The following CSMD1 variants were observed in gnomAD, a reference collection of about 807,000 sequenced individuals.
The protein encoded by CSMD1 is CUB and sushi domain-containing protein 1.
Under a neutral mutation model 417.5 loss-of-function variants are expected in CSMD1, and 213 were observed. That is an observed-to-expected ratio of 0.51 (90% CI 0.46 to 0.57). The LOEUF is 0.57. Among genes scored for constraint, CSMD1 ranks in the 20% least tolerant of loss-of-function variants. CSMD1 has a pLI of 0.00. For synonymous variants in CSMD1, 2,862 were observed against 1,736.8 expected, an observed-to-expected ratio of 1.65 and a Z score of -16.11; for missense variants, 6,923 against 4,529.7, an observed-to-expected ratio of 1.53 and a Z score of -15.17.
chr8:4,285,523 T>A (rs1379488951), intron 3 of CSMD1, among the ~76,000 whole-genome samples: 1 of 152,206 alleles, frequency 6.6e-6, no homozygotes, highest in Non-Finnish European at 1.5e-5. Context: ...GATCTCTTGT[T>A]TTCGGATATC....
intron 2 of CSMD1, among the ~76,000 whole-genome samples, chr8:4,543,487 C>G (rs1248752674): frequency 3.3e-5 from 5 of 151,954 alleles, no homozygotes; most frequent in Non-Finnish European, 5.9e-5. Context: ...CCCTTTAGCC[C>G]TGAATAATTT....
intron 10 of CSMD1, among the ~76,000 whole-genome samples, chr8:3,504,412 G>C (rs1355170501): frequency 1.3e-5 from 2 of 152,142 alleles, no homozygotes; most frequent in Admixed American, 6.5e-5. Flanking sequence ...GGATTTCTGG[G>C]ATTCAAGAAT....
intron 50 of CSMD1, among the ~76,000 whole-genome samples, chr8:3,039,318 CTTCT>C (rs1563266829): frequency 3.4e-5 from 5 of 148,746 alleles, no homozygotes; most frequent in Non-Finnish European, 7.4e-5. Context: ...CCCTCCCTTC[CTTCT>C]TTTCCTTTCT....
intron 1 of CSMD1, among the ~76,000 whole-genome samples, chr8:4,854,312 G>C (rs192736401): frequency 6.6e-6 from 1 of 152,250 alleles, no homozygotes; most frequent in East Asian, 1.9e-4. Context: ...GGGTTGCCGA[G>C]GCAGATCCCT....
chr8:4,857,249 T>C (rs910790074), intron 1 of CSMD1, among the ~76,000 whole-genome samples: 1 of 147,344 alleles, frequency 6.8e-6, no homozygotes, highest in African/African-American at 2.5e-5. Flanking sequence ...CCAGAATCTC[T>C]GGGACGCATT....
At chr8:3,027,389 T>C (rs1380105759) in intron 51 of CSMD1, among the ~76,000 whole-genome samples, 1 of 152,152 alleles carries the variant, frequency 6.6e-6, no homozygotes, top group African/African-American at 2.4e-5. Context: ...CATCCTGTTT[T>C]TATGAGAAAA....
chr8:4,962,090 C>G (rs533823483), intron 1 of CSMD1, among the ~76,000 whole-genome samples: 3 of 138,686 alleles, frequency 2.2e-5, no homozygotes, highest in African/African-American at 8.5e-5. Context: ...TTTTGTCATG[C>G]ATGTAAGTAT....
chr8:3,685,723 A>C (rs1478548143), intron 7 of CSMD1, among the ~76,000 whole-genome samples: 1 of 122,098 alleles, frequency 8.2e-6, no homozygotes, highest in Non-Finnish European at 1.8e-5. Flanking sequence ...AGAAGGGTCA[A>C]TTTCTTTCTT....
At position 4,923,923 on chromosome 8, in the gene CSMD1, A is replaced by G. The variant is rs114069968; in HGVS notation, c.85+70409T>C. On this transcript the variant is annotated intron_variant, in intron 1 of 69. Coordinates refer to ENST00000635120, the MANE Select transcript of CSMD1 (RefSeq NM_033225.6). ...GGTTTCTTTGGTTTGGGTTCTATGG[A>G]GGAAAGAAAGTAGCTTAGCAAGCTA... 7.2e-3 allele frequency among the ~76,000 whole-genome samples: 1,099 copies of G among 152,318 alleles called. 13 individuals carry two copies. The highest frequency in any genetic ancestry group is 0.026 in the African/African-American group (1,065 of 41,572).
intron 25 of CSMD1, among the ~76,000 whole-genome samples, chr8:3,298,136 C>T (rs1236723798): frequency 6.6e-6 from 1 of 152,130 alleles, no homozygotes; most frequent in East Asian, 1.9e-4. Context: ...TACACCCTCT[C>T]AGGGAGTGAG....
Position 4,218,186 on chromosome 8 carries a change from C to G in CSMD1, c.416-186087G>C, listed in dbSNP as rs114722792. 2.9e-3 allele frequency among the ~76,000 whole-genome samples: 436 copies of G among 152,242 alleles called. 6 individuals carry two copies. The highest frequency in any genetic ancestry group is 1.0e-2 in the African/African-American group (415 of 41,546). ...AGTAATGGAACACTAGTTATAAATT[C>G]CTAATCACTCTTGTTGGCACTTTGC... On this transcript the variant is annotated intron_variant, in intron 3 of 69. Transcript: ENST00000635120.
rs369174735 is a variant in CSMD1, at chr8:3,806,620, C to T, written c.819-52578G>A. 2.6e-5 allele frequency among the ~76,000 whole-genome samples: 4 copies of T among 152,176 alleles called. No homozygotes were observed. The East Asian group carries it at 5.8e-4, about 22-fold the overall frequency. ...GAGTAGTAGGAACAACATCAATAATCAATGTAAGTCAGCTTCATATGTGCA... is the reference window on the plus strand; with the variant it reads ...GAGTAGTAGGAACAACATCAATAATTAATGTAAGTCAGCTTCATATGTGCA... On this transcript the variant is annotated intron_variant, in intron 5 of 69. Transcript: ENST00000635120.
At chr8:4,814,820 C>T (rs1799114864) in intron 1 of CSMD1, among the ~76,000 whole-genome samples, 1 of 151,860 alleles carries the variant, frequency 6.6e-6, no homozygotes, top group Admixed American at 6.6e-5. Flanking sequence ...AATAAGGTAC[C>T]CCAAAATTAT....
chr8:4,637,680 T>C lies in CSMD1; in HGVS notation c.86-122A>G, dbSNP rs1382532137. ...TTTTTTTTTTTTTTTTTTTTTTTTT[T>C]TGAGACGGAGTCTCGCTCTGTCGCC... On this transcript the variant is annotated intron_variant, in intron 1 of 69. Coordinates refer to ENST00000635120, the MANE Select transcript of CSMD1 (RefSeq NM_033225.6). 1.6e-5 allele frequency: 7 copies of C among 432,976 alleles called. 1 individual carries two copies. The highest frequency in any genetic ancestry group is 4.8e-5 in the South Asian group (2 of 42,092). The allele number at this position is 432,976 out of a possible 1,614,324, so 26.8% of individuals were successfully genotyped here.
At chr8:3,034,856 T>G (rs902156566) in intron 50 of CSMD1, among the ~76,000 whole-genome samples, 1 of 152,148 alleles carries the variant, frequency 6.6e-6, no homozygotes. Flanking sequence ...TACATGAAGC[T>G]GAAGTTAAGA....
At chr8:4,517,210 C>G (rs1162287934) in intron 2 of CSMD1, among the ~76,000 whole-genome samples, 1 of 152,096 alleles carries the variant, frequency 6.6e-6, no homozygotes, top group Non-Finnish European at 1.5e-5. Flanking sequence ...ATAATGATAT[C>G]ATATTACAAT....
At chr8:3,318,206 A>ATCTT (rs1258755505) in intron 23 of CSMD1, among the ~76,000 whole-genome samples, 2 of 152,214 alleles carry the variant, frequency 1.3e-5, no homozygotes, top group Admixed American at 1.3e-4. Context: ...TTTATGAAAT[A>ATCTT]TCTTTCATAG....
intron 5 of CSMD1, among the ~76,000 whole-genome samples, chr8:3,861,199 G>A (rs566086531): frequency 1.3e-5 from 2 of 152,268 alleles, no homozygotes; most frequent in South Asian, 2.1e-4. Flanking sequence ...TGGCAACGAG[G>A]TTCAGTTGTC....
chr8:4,107,624 C>T (rs1385550097), intron 3 of CSMD1, among the ~76,000 whole-genome samples: 1 of 152,146 alleles, frequency 6.6e-6, no homozygotes, highest in African/African-American at 2.4e-5. Flanking sequence ...ACTCAAACTG[C>T]ATGTACAATG....
Sources: gnomAD v4.1 joint callset for allele counts (sites outside exome capture counted in the v4.1 genomes callset) on GRCh38, gnomAD v4.1.1 for gene constraint, MANE v1.5 for transcripts, NCBI Gene and HGNC (gene_info 2026-07-23, HGNC 2026-07-21) for gene names.